SYNE2: variants seen among roughly 807,000 people sequenced by gnomAD.
SYNE2 encodes spectrin repeat containing nuclear envelope protein 2.
SYNE2 carries 431 observed loss-of-function variants against 856.3 expected under a neutral mutation model. The observed-to-expected ratio is 0.50, with a 90% CI of 0.47 to 0.55. The LOEUF (loss-of-function observed/expected upper bound fraction) is 0.55, where lower values mean the gene tolerates loss of function less well. Ranked by LOEUF, SYNE2 falls within the 20% of genes least tolerant of loss-of-function variation. The pLI, the probability that SYNE2 is intolerant of heterozygous loss-of-function variation, is 0.00. For synonymous variants in SYNE2, 2,923 were observed against 2,872.3 expected, an observed-to-expected ratio of 1.02 and a Z score of -0.56; for missense variants, 8,129 against 8,023.2, an observed-to-expected ratio of 1.01 and a Z score of -0.50.
At chr14:64,089,536 A>AAT in intron 58 of SYNE2, 38 bp from the exon 59 acceptor site, 1 of 1,585,470 alleles carries the variant, frequency 6.3e-7, no homozygotes, top group Non-Finnish European at 8.6e-7. Flanking sequence ...ATTAATATAC[A>AAT]ATATATATTG....
chr14:64,101,903 CT>C (rs771205303), intron 63 of SYNE2, 28 bp from the exon 64 acceptor site: 1 of 1,561,614 alleles, frequency 6.4e-7, no homozygotes. Context: ...AAGCTCTTCC[CT>C]TTGCTAACCA....
Position 64,026,704 on chromosome 14 carries a change from A to G in SYNE2, c.6378A>G (p.Thr2126=), listed in dbSNP as rs760024164. The change falls in exon 42 of 116, where the codon ACA becomes ACG. Residue 2126 remains threonine, a synonymous_variant. Coordinates refer to ENST00000555002, the MANE Select transcript of SYNE2 (RefSeq NM_182914.3). ...LTDISNQWDN[T]LHLASTYLSH... ...ACATCAGCAACCAGTGGGACAACAC[A>G]CTCCATTTAGCTAGCACCTACCTAA... 3 of 1,610,846 alleles carry G rather than the reference A, an allele frequency of 1.9e-6. No individual in the cohort carries two copies. Among genetic ancestry groups the G allele is most frequent in the Non-Finnish European group, 2.5e-6 (3 of 1,178,440 alleles).
intron 30 of SYNE2, among the ~76,000 whole-genome samples, chr14:64,004,858 C>T (rs952437591): frequency 6.6e-6 from 1 of 152,168 alleles, no homozygotes; most frequent in East Asian, 1.9e-4. Flanking sequence ...CTGGATGACA[C>T]AGCAAGACCC....
chr14:64,174,055 C>A (rs1406151863), intron 94 of SYNE2: 8 of 579,866 alleles, frequency 1.4e-5, no homozygotes, highest in East Asian at 3.0e-5. Context: ...ATAAACAAGA[C>A]CTTGTCTCTT....
intron 96 of SYNE2, among the ~76,000 whole-genome samples, chr14:64,185,249 G>A (rs1456230165): frequency 1.3e-5 from 2 of 152,136 alleles, no homozygotes; most frequent in Non-Finnish European, 2.9e-5. Flanking sequence ...GAAACAGGGT[G>A]AGACCCTGTC....
intron 8 of SYNE2, among the ~76,000 whole-genome samples, chr14:63,957,961 G>A (rs753715644): frequency 2.6e-5 from 4 of 152,028 alleles, no homozygotes; most frequent in Non-Finnish European, 5.9e-5. Context: ...AGAATCGCTC[G>A]AACCCGGGAG....
At chr14:63,940,757 T>G in intron 3 of SYNE2, 82 bp downstream of exon 3, 1 of 1,273,854 alleles carries the variant, frequency 7.9e-7, no homozygotes, top group Non-Finnish European at 1.1e-6. Context: ...AAGGAGGCCA[T>G]TAAAAAATGG....
At chr14:64,156,689 C>A (rs1369123329) in intron 85 of SYNE2, among the ~76,000 whole-genome samples, 4 of 151,940 alleles carry the variant, frequency 2.6e-5, no homozygotes. Context: ...GAACTCCTGA[C>A]CTTAGGTGAT....
intron 1 of SYNE2, among the ~76,000 whole-genome samples, chr14:63,906,798 A>G (rs1393299244): frequency 1.3e-5 from 2 of 152,256 alleles, no homozygotes; most frequent in Non-Finnish European, 2.9e-5. Flanking sequence ...TTGAGTTGCT[A>G]TAACAAAATA....
At chr14:63,989,842 G>T (rs1008831321) in intron 19 of SYNE2, among the ~76,000 whole-genome samples, 6 of 151,786 alleles carry the variant, frequency 4.0e-5, no homozygotes, top group African/African-American at 7.3e-5. Context: ...TAGAGATGGG[G>T]TTTCACCATG....
At chr14:63,771,100 C>G (rs994599060) in intron 1 of SYNE2, among the ~76,000 whole-genome samples, 1 of 137,232 alleles carries the variant, frequency 7.3e-6, no homozygotes, top group African/African-American at 2.8e-5. Flanking sequence ...GACGGAGTCT[C>G]GCTCTGTGGC....
Position 64,140,038 on chromosome 14 carries a change from T to C in SYNE2, c.14941T>C (p.Leu4981=), listed in dbSNP as rs376940871. The C allele has an allele frequency of 2.4e-4, 390 of 1,614,010 alleles. 8 individuals carry two copies. The South Asian group carries it at 3.1e-3, about 13-fold the overall frequency. ...ACAGTCCCTCAATGTGTCTCAGGAC[T>C]TGGATACAATCAGAAGCAACATCAA... is the stretch of plus-strand genomic sequence containing the variant. ...KEQSLNVSQD[L]DTIRSNINNF... Residue 4981 remains leucine, a synonymous_variant, in exon 80 of 116, where the codon TTG becomes CTG. Transcript: ENST00000555002.
rs2096935398 is a variant in SYNE2, at chr14:64,021,455, T to C, written c.5292T>C (p.Thr1764=). 2 of 1,614,158 alleles carry C rather than the reference T, an allele frequency of 1.2e-6. No individual in the cohort carries two copies. Among genetic ancestry groups the C allele is most frequent in the Non-Finnish European group, 1.7e-6 (2 of 1,180,030 alleles). Residue 1764 remains threonine, a synonymous_variant, in exon 36 of 116, where the codon ACT becomes ACC. Transcript: ENST00000555002. The part of the protein sequence containing the change: ...LDQAKTQIGM[T]ESLLKALSPS... Reference sequence around the variant, plus strand: ...AAGCCAAGACCCAGATCGGGATGACTGAATCCCTCTTAAAAGCCCTGTCTC... The same window carrying C: ...AAGCCAAGACCCAGATCGGGATGACCGAATCCCTCTTAAAAGCCCTGTCTC...
At chr14:64,213,113 AT>A in intron 105 of SYNE2, 108 bp downstream of exon 105, 7 of 1,218,916 alleles carry the variant, frequency 5.7e-6, no homozygotes, top group Non-Finnish European at 8.1e-6. Context: ...ATTATGGTTT[AT>A]TTTTTGGTTG....
chr14:64,071,424 G>A (rs540436023), intron 52 of SYNE2, among the ~76,000 whole-genome samples: 20 of 152,180 alleles, frequency 1.3e-4, no homozygotes, highest in Admixed American at 2.6e-4. Flanking sequence ...AACCCAGAAG[G>A]CAGAGCTTGC....
intron 1 of SYNE2, among the ~76,000 whole-genome samples, chr14:63,846,520 TTC>T (rs1163277940): frequency 2.6e-5 from 4 of 152,230 alleles, no homozygotes; most frequent in South Asian, 2.1e-4. Flanking sequence ...TCAATTTTAA[TTC>T]TGTTTTCCAT....
chr14:64,134,011 T>C, intron 77 of SYNE2, 58 bp from the exon 78 acceptor site: 1 of 1,598,498 alleles, frequency 6.3e-7, no homozygotes, highest in Non-Finnish European at 8.6e-7. Context: ...AATTATGTTG[T>C]TATCTGGAAC....
At chr14:64,181,221 T>C (rs2098456563) in intron 96 of SYNE2, among the ~76,000 whole-genome samples, 1 of 152,238 alleles carries the variant, frequency 6.6e-6, no homozygotes, top group South Asian at 2.1e-4. Context: ...CATTTCACTG[T>C]TAAATGTGAT....
At chr14:63,831,179 C>G (rs1889655293) in intron 1 of SYNE2, among the ~76,000 whole-genome samples, 1 of 151,964 alleles carries the variant, frequency 6.6e-6, no homozygotes, top group Non-Finnish European at 1.5e-5. Flanking sequence ...TGGCGATGCT[C>G]TTGATTAGCT....
Sources: gnomAD v4.1 joint callset for allele counts (sites outside exome capture counted in the v4.1 genomes callset) on GRCh38, gnomAD v4.1.1 for gene constraint, MANE v1.5 for transcripts, NCBI Gene and HGNC (gene_info 2026-07-23, HGNC 2026-07-21) for gene names.